CAGE1: variants seen among roughly 807,000 people sequenced by gnomAD.
CAGE1 encodes cancer antigen 1, also known as cancer-associated gene 1 protein.
In CAGE1, 66 loss-of-function variants were observed where a neutral mutation model predicts 94.9. The ratio of observed to expected loss-of-function variants is 0.70; its 90% CI spans 0.57 to 0.85. The LOEUF is 0.85. Ranked by LOEUF, CAGE1 falls within the 40% of genes least tolerant of loss-of-function variation. The pLI, the probability that CAGE1 is intolerant of heterozygous loss-of-function variation, is 0.00. For synonymous variants in CAGE1, 319 were observed against 321.0 expected, an observed-to-expected ratio of 0.99 and a Z score of 0.07; for missense variants, 865 against 950.4, an observed-to-expected ratio of 0.91 and a Z score of 1.18.
intron 5 of CAGE1, among the ~76,000 whole-genome samples, 162 bp from the exon 6 acceptor site, chr6:7,370,227 T>A (rs191834641): frequency 2.6e-5 from 4 of 152,364 alleles, no homozygotes; most frequent in African/African-American, 4.8e-5. Context: ...AGAATATTTT[T>A]AAATATTTGT....
intron 10 of CAGE1, among the ~76,000 whole-genome samples, chr6:7,355,587 A>G (rs1248989155): frequency 2.0e-5 from 3 of 152,250 alleles, no homozygotes; most frequent in Non-Finnish European, 4.4e-5. Flanking sequence ...GTTTTATAAT[A>G]TCATTATGAA....
At chr6:7,358,070 A>ATATATATATATATT (rs1321838889) in intron 9 of CAGE1, among the ~76,000 whole-genome samples, 21 of 120,926 alleles carry the variant, frequency 1.7e-4, no homozygotes, top group Non-Finnish European at 3.1e-4. Context: ...ATATATATAT[A>ATATATATATATATT]TGCCTCCAAA....
Position 7,339,176 on chromosome 6 carries a change from G to C in CAGE1, c.2370-5086C>G. 4.0e-6 allele frequency: 6 copies of C among 1,510,466 alleles called. No individual in the cohort carries two copies. The highest frequency in any genetic ancestry group is 1.1e-5 in the South Asian group (1 of 89,004). 93.6% of individuals were successfully genotyped at this position (1,510,466 alleles called of 1,614,324 possible). On this transcript the variant is annotated intron_variant, in intron 11 of 13. Transcript: ENST00000502583. This position sits in a 1 kb window ranked among gnomAD's most constrained non-coding sequence, Gnocchi z 4.7. ...CAGACACCACGACCTCACAGCCTTT[G>C]GCCCCAGTTTCCATGATGAACCGCG... is the stretch of plus-strand genomic sequence containing the variant.
chr6:7,358,029 T>C (rs1355785288), intron 9 of CAGE1, among the ~76,000 whole-genome samples: 2 of 13,566 alleles, frequency 1.5e-4, no homozygotes, highest in Non-Finnish European at 3.0e-4. Flanking sequence ...AGTTTTGAGA[T>C]ATATATATAT....
chr6:7,329,533 G>A (rs189668573), intron 13 of CAGE1, among the ~76,000 whole-genome samples: 3 of 152,308 alleles, frequency 2.0e-5, no homozygotes, highest in Non-Finnish European at 2.9e-5. Flanking sequence ...TATGGAGGAT[G>A]GCATGAAGGG....
chr6:7,345,824 C>CTGAGGCAGGAGAATGGTG (rs1759493043), intron 11 of CAGE1, among the ~76,000 whole-genome samples: 1 of 152,090 alleles, frequency 6.6e-6, no homozygotes, highest in South Asian at 2.1e-4. Context: ...ACTTGGGAGG[C>CTGAGGCAGGAGAATGGTG]TGAGGCAGGA....
At position 7,365,550 on chromosome 6, in the gene CAGE1, G is replaced by C. The variant is rs1248992692; in HGVS notation, c.2111C>G (p.Ala704Gly). 7 of 1,610,366 alleles carry C rather than the reference G, an allele frequency of 4.3e-6. No homozygotes were observed. The African/African-American group carries it at 9.4e-5, about 22-fold the overall frequency. The part of the protein sequence containing the change: ...IKVIDCDSDE[A>G]KSIRDVPTLL... Reference sequence around the variant, plus strand: ...GGTAGGTACATCTCTGATACTCTTGGCTTCATCTGAATCACAGTCTATGAC... The same window carrying C: ...GGTAGGTACATCTCTGATACTCTTGCCTTCATCTGAATCACAGTCTATGAC... The change falls in exon 9 of 14, where the codon GCC (alanine) becomes GGC (glycine). Residue 704 changes from alanine to glycine, a missense_variant. Ala to Gly is a moderately conservative substitution (Grantham distance 60). Transcript: ENST00000502583.
At chr6:7,329,965 C>A in intron 12 of CAGE1, 77 bp from the exon 13 acceptor site, 2 of 638,454 alleles carry the variant, frequency 3.1e-6, no homozygotes, top group Non-Finnish European at 5.8e-6. Context: ...AGCAAGTTGC[C>A]ATTATTTAGC....
intron 9 of CAGE1, among the ~76,000 whole-genome samples, chr6:7,360,303 C>T (rs1184965852): frequency 6.6e-6 from 1 of 152,164 alleles, no homozygotes; most frequent in Non-Finnish European, 1.5e-5. Flanking sequence ...TGCTACCACA[C>T]ACCTGTTATG....
intron 11 of CAGE1, among the ~76,000 whole-genome samples, chr6:7,349,880 A>G (rs977238547): frequency 6.6e-6 from 1 of 151,556 alleles, no homozygotes; most frequent in Non-Finnish European, 1.5e-5. Flanking sequence ...GCCGTGAGCC[A>G]AGATCTCACT....
At chr6:7,347,505 G>GGC (rs1759595544) in intron 11 of CAGE1, 1 of 106,588 alleles carries the variant, frequency 9.4e-6, no homozygotes, top group Admixed American at 8.3e-5. Flanking sequence ...AGCGAGGGTG[G>GGC]GGGGGGGGGT....
chr6:7,346,958 C>A (rs987514888), intron 11 of CAGE1, among the ~76,000 whole-genome samples: 2 of 152,190 alleles, frequency 1.3e-5, no homozygotes, highest in Non-Finnish European at 2.9e-5. Context: ...ATGGTCTCTT[C>A]TTCAACACAA....
intron 5 of CAGE1, among the ~76,000 whole-genome samples, chr6:7,371,555 G>C (rs1760539760): frequency 4.6e-5 from 7 of 152,102 alleles, no homozygotes; most frequent in Admixed American, 3.9e-4. Context: ...GGCCGAGGAG[G>C]GTGGATCACC....
chr6:7,365,418 A>G (rs755405523), intron 9 of CAGE1, 50 bp downstream of exon 9: 2 of 1,453,754 alleles, frequency 1.4e-6, no homozygotes, highest in African/African-American at 1.4e-5. Flanking sequence ...TGCTAGTAAA[A>G]TAATGTTGTG....
intron 7 of CAGE1, among the ~76,000 whole-genome samples, chr6:7,366,425 A>G (rs895106580): frequency 1.4e-4 from 22 of 152,196 alleles, no homozygotes; most frequent in Admixed American, 8.5e-4. Flanking sequence ...GTTGGACTGC[A>G]GAAAGTTTTC....
intron 4 of CAGE1, among the ~76,000 whole-genome samples, chr6:7,374,781 G>A (rs145291857): frequency 0.013 from 1,908 of 152,276 alleles, 36 homozygotes; most frequent in African/African-American, 0.044. Flanking sequence ...TGTAATCCCA[G>A]CACTTTGGGA....
intron 4 of CAGE1, among the ~76,000 whole-genome samples, chr6:7,375,353 G>C (rs1316731423): frequency 6.6e-6 from 1 of 151,828 alleles, no homozygotes; most frequent in Admixed American, 6.6e-5. Context: ...AGGCTACAGT[G>C]AGCCGAGATC....
At chr6:7,334,675 C>A (rs1474945173) in intron 11 of CAGE1, among the ~76,000 whole-genome samples, 2 of 140,894 alleles carry the variant, frequency 1.4e-5, no homozygotes, top group East Asian at 4.1e-4. Context: ...TTGCAGTGAG[C>A]CAAGACCGTG....
At chr6:7,385,915 C>T in intron 2 of CAGE1, 43 bp from the exon 3 acceptor site, 5 of 1,029,494 alleles carry the variant, frequency 4.9e-6, no homozygotes, top group South Asian at 1.5e-5. Flanking sequence ...GCAAACATCA[C>T]AAGCTTCTTC....
Sources: gnomAD v4.1 joint callset for allele counts (sites outside exome capture counted in the v4.1 genomes callset) on GRCh38, gnomAD v4.1.1 for gene constraint, Gnocchi (gnomAD v3.1) non-coding constraint, MANE v1.5 for transcripts, NCBI Gene and HGNC (gene_info 2026-07-23, HGNC 2026-07-21) for gene names.